LPP: variants seen among roughly 807,000 people sequenced by gnomAD.
LPP encodes LIM domain containing preferred translocation partner in lipoma.
In LPP, 38 loss-of-function variants were observed where a neutral mutation model predicts 60.4. The ratio of observed to expected loss-of-function variants is 0.63; its 90% confidence interval spans 0.49 to 0.83. The LOEUF is 0.83. LPP is among the 40% of genes least tolerant of loss of function. LPP has a pLI of 0.00. For missense variants in LPP, 902 were observed against 783.6 expected (o/e 1.15, Z -1.80); for synonymous variants, 328 against 290.8 (o/e 1.13, Z -1.30).
intron 9 of LPP, among the ~76,000 whole-genome samples, chr3:188,789,449 C>T (rs576030995): frequency 2.6e-5 from 4 of 152,308 alleles, no homozygotes; most frequent in South Asian, 2.1e-4. Flanking sequence ...TTCCCTTAAT[C>T]GGTCTTATAC....
intron 5 of LPP, among the ~76,000 whole-genome samples, 168 bp from the exon 6 acceptor site, chr3:188,524,497 G>A (rs1056890437): frequency 6.6e-6 from 1 of 152,102 alleles, no homozygotes; most frequent in Non-Finnish European, 1.5e-5. Context: ...GTCATAAAGT[G>A]ATAATTCTAT....
intron 7 of LPP, among the ~76,000 whole-genome samples, chr3:188,646,402 C>A (rs992694561): frequency 9.2e-5 from 14 of 152,122 alleles, no homozygotes; most frequent in Non-Finnish European, 1.5e-5. Flanking sequence ...CCTGGAAGAA[C>A]AATGATGCTG....
At chr3:188,247,688 A>G (rs1727476344) in intron 2 of LPP, among the ~76,000 whole-genome samples, 1 of 151,906 alleles carries the variant, frequency 6.6e-6, no homozygotes, top group African/African-American at 2.4e-5. Context: ...AATCCTAGCT[A>G]CTTGGGAGGC....
At chr3:188,408,315 A>G (rs1005614720) in intron 4 of LPP, among the ~76,000 whole-genome samples, 20 of 152,180 alleles carry the variant, frequency 1.3e-4, no homozygotes, top group Admixed American at 1.2e-3. Flanking sequence ...AAGTGGGCTC[A>G]TAAATGGCAT....
chr3:188,618,332 A>T (rs944155217), intron 7 of LPP, among the ~76,000 whole-genome samples: 1 of 152,236 alleles, frequency 6.6e-6, no homozygotes, highest in African/African-American at 2.4e-5. Context: ...AAATTTTGAA[A>T]ATATGAGATA....
Position 188,602,152 on chromosome 3 carries a change from TA to T in LPP, c.430-7007del, listed in dbSNP as rs1329868040. Among the ~76,000 whole-genome samples the T allele has an allele frequency of 2.7e-4, 34 of 126,892 alleles. 1 individual carries two copies. The highest frequency in any genetic ancestry group is 9.5e-4 in the African/African-American group (34 of 35,838). 83.2% of individuals were successfully genotyped at this position (126,892 alleles called of 152,430 possible). On this transcript the variant is annotated intron_variant, in intron 6 of 11. Coordinates refer to ENST00000617246, the MANE Select transcript of LPP (RefSeq NM_001375462.1). ...TAGCATTCTTAATCTCATATATATATAATATATATATAATATATATATATTA... is the reference window on the plus strand; with the variant it reads ...TAGCATTCTTAATCTCATATATATATATATATATATAATATATATATATTA...
chr3:188,654,228 G>A (rs762157754), intron 7 of LPP, among the ~76,000 whole-genome samples: 1 of 152,148 alleles, frequency 6.6e-6, no homozygotes, highest in South Asian at 2.1e-4. Context: ...GAAGAGAAAC[G>A]ATGTTCTTTA....
chr3:188,747,473 G>A (rs887212919), intron 8 of LPP, among the ~76,000 whole-genome samples: 22 of 152,162 alleles, frequency 1.4e-4, no homozygotes, highest in African/African-American at 2.4e-4. Context: ...AATGAAAAAC[G>A]AGAGGAGAAA....
At chr3:188,856,996 G>A (rs541843657) in intron 9 of LPP, among the ~76,000 whole-genome samples, 15 of 152,154 alleles carry the variant, frequency 9.9e-5, no homozygotes, top group Non-Finnish European at 1.8e-4. Context: ...ATTGTTAAGT[G>A]GGACAGAACA....
intron 2 of LPP, among the ~76,000 whole-genome samples, chr3:188,333,142 C>T (rs963464933): frequency 3.3e-5 from 5 of 152,176 alleles, no homozygotes; most frequent in Non-Finnish European, 5.9e-5. Context: ...CTCTATTCAT[C>T]ATTCCCTTTA....
In LPP at chr3:188,874,609, C is replaced by A; in HGVS notation, c.*130C>A. The A allele has an allele frequency of 9.6e-7, 1 of 1,046,654 alleles. No homozygotes were observed. Among genetic ancestry groups the A allele is most frequent in the Non-Finnish European group, 1.3e-6 (1 of 746,860 alleles). 64.8% of individuals were successfully genotyped at this position (1,046,654 alleles called of 1,614,324 possible). ...TCTGCTATTAACCTTGCCTTAGAAACACATAAATTATGAGATTTTTTTTAA... is the reference window on the plus strand; with the variant it reads ...TCTGCTATTAACCTTGCCTTAGAAAAACATAAATTATGAGATTTTTTTTAA... On this transcript the variant is annotated 3_prime_UTR_variant, in exon 12 of 12. Coordinates refer to ENST00000617246, the MANE Select transcript of LPP (RefSeq NM_001375462.1).
chr3:188,695,698 C>A lies in LPP; in HGVS notation c.1114-12569C>A, dbSNP rs537732551. The stretch of plus-strand genomic sequence containing the variant: ...CTGGAGGTATAATTTGGCATTTGAA[C>A]CAGCTTGTTCTGCCTCTGAAGCCCA... On this transcript the variant is annotated intron_variant, in intron 7 of 11. Transcript: ENST00000617246. Among the ~76,000 whole-genome samples the A allele has an allele frequency of 6.6e-5, 10 of 152,304 alleles. No homozygotes were observed. The East Asian group carries it at 1.9e-3, about 29-fold the overall frequency.
rs527383928 is a variant in LPP at position 188,865,211 on chromosome 3, A to G, written c.1411-989A>G. On this transcript the variant is annotated intron_variant, in intron 9 of 11. Coordinates refer to ENST00000617246, the MANE Select transcript of LPP (RefSeq NM_001375462.1). ...GCATGGAATTAAAGGGCAGGATGGA[A>G]AGTTAACAGCCGATCTTTCTGAGAC... 9.2e-5 allele frequency among the ~76,000 whole-genome samples: 14 copies of G among 152,330 alleles called. No homozygotes were observed. In the East Asian group the frequency reaches 2.5e-3, roughly 27 times the overall value.
At chr3:188,486,258 CAAAG>C (rs1333170028) in intron 5 of LPP, among the ~76,000 whole-genome samples, 3 of 151,958 alleles carry the variant, frequency 2.0e-5, no homozygotes, top group African/African-American at 4.8e-5. Flanking sequence ...TTGAAGGAGA[CAAAG>C]AAAGAAATGA....
At chr3:188,203,380 A>C (rs1474237278) in intron 1 of LPP, among the ~76,000 whole-genome samples, 113 of 94,496 alleles carry the variant, frequency 1.2e-3, no homozygotes, top group Admixed American at 2.9e-3. Flanking sequence ...ATATATATTA[A>C]TATTTATATA....
chr3:188,276,694 TTTCTCTC>T (rs1739905979), intron 2 of LPP, among the ~76,000 whole-genome samples: 1 of 15,582 alleles, frequency 6.4e-5, no homozygotes, highest in African/African-American at 6.9e-4. Context: ...TCTCTCTCTC[TTTCTCTC>T]TCTCTCTCTC....
At chr3:188,363,845 C>G (rs1213321040) in intron 3 of LPP, among the ~76,000 whole-genome samples, 1 of 134,676 alleles carries the variant, frequency 7.4e-6, no homozygotes, top group African/African-American at 2.8e-5. Flanking sequence ...GTAGAGGTTG[C>G]AGTGAGTTGA....
At chr3:188,535,722 TAAG>T (rs1283838807) in intron 6 of LPP, among the ~76,000 whole-genome samples, 1 of 152,222 alleles carries the variant, frequency 6.6e-6, no homozygotes, top group Non-Finnish European at 1.5e-5. Flanking sequence ...TGTATTTTGT[TAAG>T]AAGATGATGT....
intron 5 of LPP, among the ~76,000 whole-genome samples, chr3:188,514,477 C>T (rs899323796): frequency 2.6e-5 from 4 of 151,254 alleles, no homozygotes; most frequent in Admixed American, 6.6e-5. Context: ...ACTCTTGTTG[C>T]CCAGGCTGGA....
Sources: gnomAD v4.1 joint callset for allele counts (sites outside exome capture counted in the v4.1 genomes callset) on GRCh38, gnomAD v4.1.1 for gene constraint, MANE v1.5 for transcripts, NCBI Gene and HGNC (gene_info 2026-07-23, HGNC 2026-07-21) for gene names.